SEC24C: variants seen among roughly 807,000 people sequenced by gnomAD.
SEC24C encodes the protein SEC24 homolog C, COPII component, also known as protein transport protein Sec24C.
In SEC24C, 22 loss-of-function variants were observed where a neutral mutation model predicts 117.0. The ratio of observed to expected loss-of-function variants is 0.19; its 90% CI spans 0.13 to 0.27. The LOEUF (loss-of-function observed/expected upper bound fraction) is 0.27. Ranked by LOEUF, SEC24C falls within the 10% of genes least tolerant of loss-of-function variation. The probability of loss-of-function intolerance (pLI) is 1.00; values close to 1 mark genes in which losing one functional copy is unlikely to be tolerated. For synonymous variants in SEC24C, 506 were observed against 529.4 expected, an observed-to-expected ratio of 0.96 and a Z score of 0.61; for missense variants, 1,155 against 1,375.1, an observed-to-expected ratio of 0.84 and a Z score of 2.53.
Position 73,769,957 on chromosome 10 carries a change from T to C in SEC24C, c.2804T>C (p.Val935Ala), listed in dbSNP as rs752904967. ...GACCGTGCCTATGTCCGACAGCTAG[T>C]TACCTCCATGGATGTGACTGAGACC... ...TDDRAYVRQL[V>A]TSMDVTETNV... The change falls in exon 20 of 23, where the codon GTT becomes GCT. Residue 935 changes from valine to alanine, a missense_variant. Physicochemically the swap from Val to Ala is moderately conservative, Grantham distance 64 (BLOSUM62 0). Transcript: ENST00000345254. This position sits in a 1 kb window ranked among gnomAD's most constrained non-coding sequence, Gnocchi z 4.5. The C allele has an allele frequency of 1.9e-6, 3 of 1,614,220 alleles. No homozygotes were observed. Among genetic ancestry groups the C allele is most frequent in the East Asian group, 4.5e-5 (2 of 44,882 alleles).
At chr10:73,757,820 G>A (rs964136108) in intron 3 of SEC24C, among the ~76,000 whole-genome samples, 1 of 147,942 alleles carries the variant, frequency 6.8e-6, no homozygotes, top group East Asian at 2.1e-4. Flanking sequence ...GGGAGGCTTA[G>A]GGGGAGGATT....
chr10:73,750,984 C>T, intron 2 of SEC24C, 124 bp from the exon 3 acceptor site: 1 of 1,011,586 alleles, frequency 9.9e-7, no homozygotes, highest in Non-Finnish European at 1.5e-6. Context: ...GTCCTTTTCA[C>T]TGCCTAAACT....
chr10:73,769,716 C>T lies in SEC24C; in HGVS notation c.2665C>T (p.Pro889Ser), dbSNP rs1268473161. 6 of 1,614,040 alleles carry T rather than the reference C, an allele frequency of 3.7e-6. No individual in the cohort carries two copies. The highest frequency in any genetic ancestry group is 5.1e-6 in the Non-Finnish European group (6 of 1,180,012). The change falls in exon 19 of 23, where the codon CCC becomes TCC. Residue 889 changes from proline (P) to serine (S), a missense_variant. Physicochemically the swap from Pro to Ser is moderately conservative, Grantham distance 74. Coordinates refer to ENST00000345254, the MANE Select transcript of SEC24C (RefSeq NM_198597.3). The surrounding 1 kb of genome is among the most constrained non-coding windows in gnomAD (Gnocchi z 4.5). The part of the protein sequence containing the change: ...LACYRKNCAS[P>S]SSAGQLILPE... ...CTGTTACAGAAAGAACTGTGCTAGC[C>T]CCTCCTCTGCAGGACAGGTGGGGCA... is the stretch of plus-strand genomic sequence containing the variant.
At position 73,758,580 on chromosome 10, in the gene SEC24C, A is replaced by C. The variant is rs147800756; in HGVS notation, c.309-1042A>C. ...ATTCCCCCATTCCCCTATTCTTCCAACCTTAAGCAACTCCTGATCTACTTT... is the reference window on the plus strand; with the variant it reads ...ATTCCCCCATTCCCCTATTCTTCCACCCTTAAGCAACTCCTGATCTACTTT... On this transcript the variant is annotated intron_variant, in intron 3 of 22. Coordinates refer to ENST00000345254, the MANE Select transcript of SEC24C (RefSeq NM_198597.3). Among the ~76,000 whole-genome samples, 434 of 152,232 alleles carry C rather than the reference A, an allele frequency of 2.9e-3. 1 individual carries two copies. The highest frequency in any genetic ancestry group is 9.5e-3 in the African/African-American group (394 of 41,510).
At chr10:73,768,758 A>G in intron 15 of SEC24C, 52 bp from the exon 16 acceptor site, 2 of 1,566,698 alleles carry the variant, frequency 1.3e-6, no homozygotes, top group East Asian at 2.2e-5. Context: ...GATTGTCTGC[A>G]CGATGAGCTA....
At position 73,752,669 on chromosome 10, in the gene SEC24C, T is replaced by G. The variant is rs12243089; in HGVS notation, c.308+1426T>G. 6.3e-3 allele frequency among the ~76,000 whole-genome samples: 955 copies of G among 152,052 alleles called. 17 individuals carry two copies. Among genetic ancestry groups the G allele is most frequent in the African/African-American group, 0.021 (869 of 41,474 alleles). ...GGGGTAGGGAGCTGTTTTAAATACA[T>G]TGGTCCGTGCTGGGTGCAGTGGCTG... On this transcript the variant is annotated intron_variant, in intron 3 of 22. Coordinates refer to ENST00000345254, the MANE Select transcript of SEC24C (RefSeq NM_198597.3).
At chr10:73,766,665 T>G (rs769693952) in intron 12 of SEC24C, 95 bp from the exon 13 acceptor site, 118 of 1,436,090 alleles carry the variant, frequency 8.2e-5, no homozygotes, top group Non-Finnish European at 1.1e-4. Flanking sequence ...AGTTGTCAGA[T>G]TCTAGAGGCT....
Position 73,770,002 on chromosome 10 carries a change from G to T in SEC24C, c.2849G>T (p.Arg950Leu), listed in dbSNP as rs575161818. ...VTETNVFFYP[R>L]LLPLTKSPVE... is the part of the protein sequence containing the mutation. ...GAGACCAATGTCTTCTTCTACCCTC[G>T]GCTCTTACCTTTGGTGCGATTGAGG... is the stretch of plus-strand genomic sequence containing the variant. Residue 950 changes from arginine (R) to leucine (L), a missense_variant, in exon 20 of 23, where the codon CGG becomes CTG. By Grantham distance (102) the Arg-to-Leu change is moderately radical. Transcript: ENST00000345254. 1.2e-6 allele frequency: 2 copies of T among 1,614,026 alleles called. No homozygotes were observed. The highest frequency in any genetic ancestry group is 2.2e-5 in the South Asian group (2 of 91,046).
At chr10:73,748,328 T>C (rs191669763) in intron 2 of SEC24C, among the ~76,000 whole-genome samples, 64 of 151,712 alleles carry the variant, frequency 4.2e-4, no homozygotes, top group African/African-American at 1.3e-3. Context: ...AGAGACAGTG[T>C]TACACCATGT....
chr10:73,770,866 G>C, intron 22 of SEC24C, 68 bp downstream of exon 22: 1 of 1,611,624 alleles, frequency 6.2e-7, no homozygotes, highest in Non-Finnish European at 8.5e-7. Flanking sequence ...GGGTTGGGTG[G>C]GGAATGAGTA....
intron 6 of SEC24C, among the ~76,000 whole-genome samples, chr10:73,761,124 T>C (rs1179231655): frequency 6.6e-6 from 1 of 152,204 alleles, no homozygotes; most frequent in African/African-American, 2.4e-5. Flanking sequence ...CTGTCACTAC[T>C]GTACATACAT....
chr10:73,747,641 C>T (rs568998806), intron 2 of SEC24C, among the ~76,000 whole-genome samples: 10 of 149,828 alleles, frequency 6.7e-5, no homozygotes, highest in East Asian at 2.0e-4. Flanking sequence ...CGTGAGCTAC[C>T]GTGCCTGGCC....
At chr10:73,756,350 T>C (rs948198714) in intron 3 of SEC24C, among the ~76,000 whole-genome samples, 5 of 152,072 alleles carry the variant, frequency 3.3e-5, no homozygotes, top group African/African-American at 1.2e-4. Flanking sequence ...TGCACCTTCA[T>C]TGAACAAGCT....
In SEC24C at chr10:73,767,164, G is replaced by A. The variant is rs748553943; in HGVS notation, c.2004G>A (p.Lys668=). 3 of 1,608,622 alleles carry A rather than the reference G, an allele frequency of 1.9e-6. No individual in the cohort carries two copies. The highest frequency in any genetic ancestry group is 4.5e-5 in the East Asian group (2 of 44,862). Reference sequence around the variant, plus strand: ...ACAGGAAGCTGATCAATACAGACAAGGAGAAGGTGTGGGACTGGAAAATGG... The same window carrying A: ...ACAGGAAGCTGATCAATACAGACAAAGAGAAGGTGTGGGACTGGAAAATGG... ...RDDRKLINTD[K]EKTLFQPQTG... Residue 668 remains lysine (K), a synonymous_variant, in exon 14 of 23, where the codon AAG becomes AAA. Transcript: ENST00000345254.
Position 73,763,473 on chromosome 10 carries a change from A to T in SEC24C, c.988-17A>T. On this transcript the variant is annotated splice_polypyrimidine_tract_variant and intron_variant, in intron 6 of 22. Coordinates refer to ENST00000345254, the MANE Select transcript of SEC24C (RefSeq NM_198597.3). ...TCCTTTTTCTTCTGTCACCTCATTCATTGCACTTCTCTGCAGATTCAGGTC... is the reference window on the plus strand; with the variant it reads ...TCCTTTTTCTTCTGTCACCTCATTCTTTGCACTTCTCTGCAGATTCAGGTC... 6.5e-7 allele frequency: 1 copy of T among 1,527,960 alleles called. No homozygotes were observed. Among genetic ancestry groups the T allele is most frequent in the Non-Finnish European group, 9.1e-7 (1 of 1,103,328 alleles). The allele number at this position is 1,527,960 out of a possible 1,614,324, so 94.7% of individuals were successfully genotyped here. A position where few individuals can be genotyped will look rare whatever the true frequency, so the allele number is the denominator to read the frequency against.
At chr10:73,767,602 A>G (rs546033853) in intron 14 of SEC24C, among the ~76,000 whole-genome samples, 3 of 152,256 alleles carry the variant, frequency 2.0e-5, no homozygotes, top group African/African-American at 7.2e-5. Context: ...TGGGAGGCAG[A>G]GGTTGCAGTG....
chr10:73,746,158 CAAAA>C (rs71021568), intron 1 of SEC24C, among the ~76,000 whole-genome samples: 16 of 93,062 alleles, frequency 1.7e-4, no homozygotes, highest in African/African-American at 6.4e-4. Context: ...GACTCCGTCT[CAAAA>C]AAAAAAAAAA....
chr10:73,770,220 C>CG (rs940989201), intron 20 of SEC24C, 60 bp from the exon 21 acceptor site: 81 of 1,491,426 alleles, frequency 5.4e-5, no homozygotes, highest in South Asian at 1.3e-4. Flanking sequence ...GTGTGTGGTG[C>CG]GGGGGGGCAG....
chr10:73,766,597 A>T (rs1303781449), intron 12 of SEC24C, 56 bp downstream of exon 12: 2 of 1,547,240 alleles, frequency 1.3e-6, no homozygotes, highest in African/African-American at 2.7e-5. Context: ...CCACCATAGA[A>T]GGTCATGGAG....
Sources: gnomAD v4.1 joint callset for allele counts (sites outside exome capture counted in the v4.1 genomes callset) on GRCh38, gnomAD v4.1.1 for gene constraint, Gnocchi (gnomAD v3.1) non-coding constraint, MANE v1.5 for transcripts, NCBI Gene and HGNC (gene_info 2026-07-23, HGNC 2026-07-21) for gene names.